Variants in CSMD1 observed in about 807,000 individuals in gnomAD.
CSMD1 encodes CUB and Sushi multiple domains 1.
Under a neutral mutation model 417.5 loss-of-function variants are expected in CSMD1, and 213 were observed. That is an observed-to-expected ratio of 0.51 (90% CI 0.46 to 0.57). The LOEUF is 0.57. CSMD1 is among the 20% of genes least tolerant of loss of function. CSMD1 has a pLI of 0.00. For synonymous variants in CSMD1, 2,862 were observed against 1,736.8 expected (o/e 1.65, Z -16.11); for missense variants, 6,923 against 4,529.7 (o/e 1.53, Z -15.17).
At chr8:3,052,009 G>A (rs2128989282) in intron 50 of CSMD1, among the ~76,000 whole-genome samples, 1 of 152,336 alleles carries the variant, frequency 6.6e-6, no homozygotes, top group African/African-American at 2.4e-5. Flanking sequence ...GATGTGTTAT[G>A]CAGAGCAGGT....
intron 5 of CSMD1, among the ~76,000 whole-genome samples, chr8:3,915,405 C>CAAAAA (rs778981187): frequency 4.7e-4 from 36 of 76,226 alleles, no homozygotes; most frequent in Middle Eastern, 0.01. Context: ...GACTCTGTCT[C>CAAAAA]AAAAAAAAAA....
intron 5 of CSMD1, among the ~76,000 whole-genome samples, chr8:3,769,182 C>T (rs1032643990): frequency 6.6e-6 from 1 of 152,178 alleles, no homozygotes; most frequent in African/African-American, 2.4e-5. Context: ...CATGATTTTA[C>T]AAGCTTTTAA....
chr8:3,267,835 A>G (rs879397967), intron 26 of CSMD1, among the ~76,000 whole-genome samples: 3 of 152,154 alleles, frequency 2.0e-5, no homozygotes, highest in Non-Finnish European at 4.4e-5. Context: ...TGGGCCAACC[A>G]TTGACGGGAT....
At chr8:4,027,805 A>G (rs73183927) in intron 4 of CSMD1, among the ~76,000 whole-genome samples, 7,948 of 152,318 alleles carry the variant, frequency 0.052, 277 homozygotes, top group Non-Finnish European at 0.081. Flanking sequence ...AGTAAGGCCA[A>G]GACACTTGAA....
intron 5 of CSMD1, among the ~76,000 whole-genome samples, chr8:3,783,244 G>A (rs762612761): frequency 6.6e-5 from 10 of 152,180 alleles, no homozygotes; most frequent in Non-Finnish European, 1.2e-4. Flanking sequence ...CCGATACTGT[G>A]TAGGTGCTCC....
intron 62 of CSMD1, among the ~76,000 whole-genome samples, chr8:2,960,210 A>G (rs1031183518): frequency 6.6e-6 from 1 of 152,212 alleles, no homozygotes; most frequent in Non-Finnish European, 1.5e-5. Context: ...GAAAGTATTT[A>G]CTTGAAGTTT....
At chr8:3,598,129 A>G (rs1458112706) in intron 8 of CSMD1, among the ~76,000 whole-genome samples, 2 of 152,226 alleles carry the variant, frequency 1.3e-5, no homozygotes, top group Non-Finnish European at 2.9e-5. Flanking sequence ...TATATTTCCT[A>G]ACGCATTTAA....
intron 12 of CSMD1, among the ~76,000 whole-genome samples, chr8:3,438,330 C>G (rs1339081493): frequency 6.6e-6 from 1 of 152,174 alleles, no homozygotes; most frequent in African/African-American, 2.4e-5. Context: ...AACATCACCA[C>G]CAGTATACTG....
At chr8:3,274,165 C>T (rs1484082168) in intron 26 of CSMD1, among the ~76,000 whole-genome samples, 2 of 151,814 alleles carry the variant, frequency 1.3e-5, no homozygotes, top group Admixed American at 6.6e-5. Context: ...ATCTTTATTT[C>T]TGCCTTCATT....
chr8:3,079,808 C>A (rs1029756999), intron 49 of CSMD1, among the ~76,000 whole-genome samples: 11 of 151,548 alleles, frequency 7.3e-5, no homozygotes, highest in Middle Eastern at 3.4e-3. Context: ...GATAATGAGG[C>A]ATTTTTTTTT....
At chr8:3,991,756 AC>A (rs1814768519) in intron 5 of CSMD1, among the ~76,000 whole-genome samples, 1 of 152,146 alleles carries the variant, frequency 6.6e-6, no homozygotes. Context: ...TGTGGTCTCA[AC>A]TTTTTTAAAA....
At chr8:4,415,766 T>C (rs573131998) in intron 3 of CSMD1, among the ~76,000 whole-genome samples, 1 of 152,212 alleles carries the variant, frequency 6.6e-6, no homozygotes, top group Non-Finnish European at 1.5e-5. Context: ...CACGTATAAG[T>C]ATGGATAGCA....
intron 12 of CSMD1, among the ~76,000 whole-genome samples, chr8:3,448,592 C>T (rs539117247): frequency 1.3e-5 from 2 of 152,064 alleles, no homozygotes; most frequent in East Asian, 1.9e-4. Context: ...TCCATGAGTA[C>T]TAATAAAAGG....
At chr8:3,377,273 A>G (rs1810370438) in intron 18 of CSMD1, among the ~76,000 whole-genome samples, 2 of 152,102 alleles carry the variant, frequency 1.3e-5, no homozygotes, top group Non-Finnish European at 2.9e-5. Flanking sequence ...CAGCCTCCCA[A>G]TGTGCTAGGA....
intron 3 of CSMD1, among the ~76,000 whole-genome samples, chr8:4,367,174 T>G (rs1802123328): frequency 6.6e-6 from 1 of 152,208 alleles, no homozygotes; most frequent in Admixed American, 6.5e-5. Flanking sequence ...TTTAATTGTG[T>G]TAGAGCTTGC....
intron 7 of CSMD1, among the ~76,000 whole-genome samples, chr8:3,641,313 G>C (rs1391792610): frequency 1.3e-5 from 2 of 152,016 alleles, no homozygotes; most frequent in African/African-American, 4.8e-5. Flanking sequence ...TGGAGAACGG[G>C]TGAGTCACTA....
intron 10 of CSMD1, among the ~76,000 whole-genome samples, chr8:3,500,812 T>A (rs935125217): frequency 6.6e-6 from 1 of 152,088 alleles, no homozygotes; most frequent in African/African-American, 2.4e-5. Context: ...CTAAAGTGGA[T>A]TGGCAGAATG....
intron 2 of CSMD1, among the ~76,000 whole-genome samples, chr8:4,629,249 T>C (rs147683036): frequency 0.011 from 1,656 of 152,310 alleles, 12 homozygotes; most frequent in Middle Eastern, 0.024. Context: ...AAAATATCTA[T>C]ACAAAAATGT....
intron 1 of CSMD1, among the ~76,000 whole-genome samples, chr8:4,723,817 C>G (rs201293228): frequency 8.0e-6 from 1 of 124,442 alleles, no homozygotes; most frequent in Non-Finnish European, 1.7e-5. Flanking sequence ...AAAAACAAAA[C>G]AAAACAGTGC....
Sources: allele counts gnomAD v4.1 joint callset (sites outside exome capture counted in the v4.1 genomes callset), GRCh38; gene constraint gnomAD v4.1.1; transcripts MANE v1.5; gene names NCBI Gene and HGNC (gene_info 2026-07-23, HGNC 2026-07-21).